Variants in TMEM187 observed in about 807,000 individuals in gnomAD.
TMEM187 encodes transmembrane protein 187.
A neutral mutation model predicts 11.8 loss-of-function variants in TMEM187; 14 were observed. That is an observed-to-expected ratio of 1.18 (90% CI 0.78 to 1.85). The LOEUF (loss-of-function observed/expected upper bound fraction) is 1.85. TMEM187 is among the 40% of genes most tolerant of loss of function. The probability of loss-of-function intolerance (pLI) is 0.00; values close to 1 mark genes in which losing one functional copy is unlikely to be tolerated. For synonymous variants in TMEM187, 112 were observed against 118.5 expected (o/e 0.95, Z 0.36); for missense variants, 227 against 243.9 (o/e 0.93, Z 0.46).
intron 1 of TMEM187, among the ~76,000 whole-genome samples, chrX:153,981,342 G>T (rs2065600592): frequency 9.0e-6 from 1 of 111,300 alleles, no homozygotes; most frequent in Non-Finnish European, 1.9e-5. Context: ...TCAGGAGAGG[G>T]CAGGCGAGTG....
chrX:153,973,637 C>T (rs927624141), intron 1 of TMEM187, among the ~76,000 whole-genome samples: 1 of 111,126 alleles, frequency 9.0e-6, no homozygotes, highest in African/African-American at 3.3e-5. Flanking sequence ...GAGCTGAGAT[C>T]GCGCCACTGC....
chrX:153,980,010 T>G (rs975903045), intron 1 of TMEM187, among the ~76,000 whole-genome samples: 4 of 109,583 alleles, frequency 3.7e-5, no homozygotes, highest in Middle Eastern at 4.6e-3. Flanking sequence ...GTGCTGGGAT[T>G]ACAGGCATGA....
intron 1 of TMEM187, among the ~76,000 whole-genome samples, chrX:153,980,794 C>T (rs1273109160): frequency 9.2e-6 from 1 of 109,126 alleles, no homozygotes; most frequent in Admixed American, 9.8e-5. Context: ...TGGTACACGC[C>T]TCTAATCACC....
rs2065604303 is a variant in TMEM187 at position 153,982,039 on chromosome X, C to A, written c.-24C>A. On this transcript the variant is annotated 5_prime_UTR_variant, in exon 2 of 2. Coordinates refer to ENST00000369982, the MANE Select transcript of TMEM187 (RefSeq NM_003492.3). ...AAGGCTGCTCTCTGAAGCTCCCTGC[C>A]CCAGGTCACGCCGCCGGTTCCAGAT... 1 of 1,211,286 alleles carries A rather than the reference C, an allele frequency of 8.3e-7. No individual in the cohort carries two copies. Among genetic ancestry groups the A allele is most frequent in the Non-Finnish European group, 1.1e-6 (1 of 895,500 alleles).
chrX:153,978,112 G>A (rs1156574432), intron 1 of TMEM187, among the ~76,000 whole-genome samples: 2 of 108,618 alleles, frequency 1.8e-5, no homozygotes, highest in Admixed American at 2.0e-4. Flanking sequence ...TCAGGAGGCT[G>A]AGGCAGGAGA....
intron 1 of TMEM187, among the ~76,000 whole-genome samples, chrX:153,978,869 C>T (rs782460966): frequency 3.6e-5 from 4 of 111,109 alleles, no homozygotes; most frequent in Non-Finnish European, 7.5e-5. Flanking sequence ...TCACTGCAAC[C>T]TCTGCCTCCT....
chrX:153,979,034 C>T (rs1273934107), intron 1 of TMEM187, among the ~76,000 whole-genome samples: 3 of 111,879 alleles, frequency 2.7e-5, no homozygotes, highest in African/African-American at 9.7e-5. Flanking sequence ...GTGATCCACC[C>T]GCCTCTGCCT....
Position 153,982,930 on chromosome X carries a change from A to G in TMEM187, c.*82A>G. The G allele has an allele frequency of 8.3e-7, 1 of 1,199,845 alleles. No homozygotes were observed. The highest frequency in any genetic ancestry group is 1.8e-5 in the South Asian group (1 of 55,315). On this transcript the variant is annotated 3_prime_UTR_variant, in exon 2 of 2. Transcript: ENST00000369982. The stretch of plus-strand genomic sequence containing the variant: ...GATGGCAGCGTGGTGCCAGTGTCAG[A>G]CATCCTGTGTGTGATGATATGCACT...
intron 1 of TMEM187, among the ~76,000 whole-genome samples, chrX:153,978,596 G>A (rs1165512771): frequency 2.8e-5 from 2 of 72,333 alleles, no homozygotes; most frequent in South Asian, 6.7e-4. Context: ...TTTTTTTTTG[G>A]GGGGGAGAGG....
rs782602364 is a variant in TMEM187, at chrX:153,973,905, C to T, written c.-214+1045C>T. The stretch of plus-strand genomic sequence containing the variant: ...TAAACGCGTGCGGGAGAGTCTGGGG[C>T]CTTTAGCCAGGAGATTGTCAGGCTT... On this transcript the variant is annotated intron_variant, in intron 1 of 1. Transcript: ENST00000369982. Among the ~76,000 whole-genome samples, 8 of 111,828 alleles carry T rather than the reference C, an allele frequency of 7.2e-5. No individual in the cohort carries two copies. In the East Asian group the frequency reaches 2.2e-3, roughly 31 times the overall value.
chrX:153,979,882 G>A (rs1040625688), intron 1 of TMEM187, among the ~76,000 whole-genome samples: 7 of 106,045 alleles, frequency 6.6e-5, no homozygotes, highest in East Asian at 3.1e-4. Context: ...GACAACAGGC[G>A]CCCACCACCA....
chrX:153,981,899 C>A lies in TMEM187; in HGVS notation c.-164C>A. 1 of 948,114 alleles carries A rather than the reference C, an allele frequency of 1.1e-6. No homozygotes were observed. The highest frequency in any genetic ancestry group is 3.4e-5 in the East Asian group (1 of 29,703). 78.1% of individuals were successfully genotyped at this position (948,114 alleles called of 1,213,427 possible). On this transcript the variant is annotated 5_prime_UTR_variant, in exon 2 of 2. The change creates a new upstream start codon in the 5' untranslated region. Coordinates refer to ENST00000369982, the MANE Select transcript of TMEM187 (RefSeq NM_003492.3). ...TGGCGCCAGCCAATCAGCAGGACTC[C>A]TGCCTTCCTTCGGGGCAAGGTCGCA...
intron 1 of TMEM187, among the ~76,000 whole-genome samples, chrX:153,977,162 C>T (rs1422010598): frequency 1.8e-5 from 2 of 111,867 alleles, no homozygotes; most frequent in Non-Finnish European, 3.8e-5. Flanking sequence ...CTGTTAACTA[C>T]AATTTCTTGT....
rs781907412 is a variant in TMEM187, at chrX:153,982,460, T to A, written c.398T>A (p.Leu133Gln). Residue 133 changes from leucine (L) to glutamine (Q), a missense_variant, in exon 2 of 2, where the codon CTA becomes CAA. Leu to Gln is a moderately radical substitution (Grantham distance 113). Coordinates refer to ENST00000369982, the MANE Select transcript of TMEM187 (RefSeq NM_003492.3). ...FAWPVAWCLY[L>Q]DRGWRPWLFL... ...TGGCCCGTGGCCTGGTGCCTCTACC[T>A]AGACCGCGGCTGGCGGCCCTGGCTG... 4 of 1,203,794 alleles carry A rather than the reference T, an allele frequency of 3.3e-6. No individual in the cohort carries two copies. The South Asian group carries it at 7.1e-5, about 21-fold the overall frequency.
intron 1 of TMEM187, among the ~76,000 whole-genome samples, chrX:153,980,944 C>A (rs1267544040): frequency 1.9e-5 from 2 of 106,668 alleles, no homozygotes; most frequent in Non-Finnish European, 3.9e-5. Flanking sequence ...GGTGCACAAA[C>A]CGAGGCCCAA....
Position 153,981,943 on chromosome X carries a change from A to G in TMEM187, c.-120A>G, listed in dbSNP as rs2065603856. 1 of 1,153,141 alleles carries G rather than the reference A, an allele frequency of 8.7e-7. No individual in the cohort carries two copies. Among genetic ancestry groups the G allele is most frequent in the Non-Finnish European group, 1.2e-6 (1 of 857,895 alleles). On this transcript the variant is annotated 5_prime_UTR_variant, in exon 2 of 2. Transcript: ENST00000369982. ...GGTCGCAGCATCTGCCTCGGAAATC[A>G]CGAAATCACGGGGCTTCTTTCTGCT...
rs782721737 is a variant in TMEM187, at chrX:153,982,843, CG to C, written c.782del (p.Arg261LeufsTer12). ...ATTCCATCCCTCTGGCGGGAAGACGCGTTGAACCCAGGGAAGAACCTGCTGA... is the reference window on the plus strand; with the variant it reads ...ATTCCATCCCTCTGGCGGGAAGACGCTTGAACCCAGGGAAGAACCTGCTGA... ...PRFHPSGGKTR is the reference protein window; with the variant it reads ...PRFHPSGGKTX On this transcript the variant is annotated frameshift_variant, in exon 2 of 2. Coordinates refer to ENST00000369982, the MANE Select transcript of TMEM187 (RefSeq NM_003492.3). LOFTEE classifies it high-confidence loss of function. The C allele has an allele frequency of 1.2e-4, 149 of 1,210,504 alleles. No individual in the cohort carries two copies. The highest frequency in any genetic ancestry group is 2.3e-4 in the Middle Eastern group (1 of 4,375).
intron 1 of TMEM187, chrX:153,980,697 T>C (rs2065597301): frequency 9.1e-6 from 1 of 110,131 alleles, no homozygotes; most frequent in Non-Finnish European, 1.9e-5. Context: ...GGCGGGTGGA[T>C]CACTTGAGGT....
intron 1 of TMEM187, among the ~76,000 whole-genome samples, chrX:153,981,381 C>T (rs970848053): frequency 3.6e-5 from 4 of 111,522 alleles, no homozygotes; most frequent in African/African-American, 1.3e-4. Flanking sequence ...GGGAAGCCTG[C>T]GGGTCACCCC....
Sources: gnomAD v4.1 joint callset for allele counts (sites outside exome capture counted in the v4.1 genomes callset) on GRCh38, gnomAD v4.1.1 for gene constraint, MANE v1.5 for transcripts, NCBI Gene and HGNC (gene_info 2026-07-23, HGNC 2026-07-21) for gene names.